RUFY3: variants seen among roughly 807,000 people sequenced by gnomAD.
RUFY3 encodes the protein RUN and FYVE domain containing 3, also known as protein RUFY3.
Under a neutral mutation model 84.0 loss-of-function variants are expected in RUFY3, and 34 were observed. That is an observed-to-expected ratio of 0.40 (90% CI 0.31 to 0.54). The LOEUF is 0.54. Ranked by LOEUF, RUFY3 falls within the 20% of genes least tolerant of loss-of-function variation. The pLI, the probability that RUFY3 is intolerant of heterozygous loss-of-function variation, is 0.39. For missense variants in RUFY3, 507 were observed against 736.8 expected (o/e 0.69, Z 3.61); for synonymous variants, 242 against 252.9 (o/e 0.96, Z 0.41).
rs573492656 is a variant in RUFY3, at chr4:70,724,770, TGTGA to T, written c.178+2022_178+2025del. On this transcript the variant is annotated intron_variant, in intron 1 of 17. Transcript: ENST00000381006. Reference sequence around the variant, plus strand: ...AAGAAAGCATAGTCCCATGAAAGCCTGTGAGTATTACTGCCTTGCTCCATTACCA... The same window carrying T: ...AAGAAAGCATAGTCCCATGAAAGCCTGTATTACTGCCTTGCTCCATTACCA... Among the ~76,000 whole-genome samples the T allele has an allele frequency of 4.6e-5, 7 of 152,364 alleles. No homozygotes were observed. In the East Asian group the frequency reaches 9.6e-4, roughly 21 times the overall value.
rs1234670871 is a variant in RUFY3, at chr4:70,800,148, A to G, written c.1565A>G (p.Lys522Arg). The change falls in exon 15 of 18, where the codon AAG becomes AGG. Residue 522 changes from lysine (K) to arginine (R), a missense_variant. By Grantham distance (26) the Lys-to-Arg change is conservative. This residue lies in a region of RUFY3 where 334 missense variants were observed against 364.1 expected (regional missense o/e 0.92). Coordinates refer to ENST00000381006, the MANE Select transcript of RUFY3 (RefSeq NM_001037442.4). ...GCTGTTTTCTTTTGGCAGGATGGGAAGCACAAAATGCAAGAGGAAAATGTT... is the reference window on the plus strand; with the variant it reads ...GCTGTTTTCTTTTGGCAGGATGGGAGGCACAAAATGCAAGAGGAAAATGTT... ...SQKSESKMDG[K>R]HKMQEENVKL... 6 of 1,606,126 alleles carry G rather than the reference A, an allele frequency of 3.7e-6. No individual in the cohort carries two copies. Among genetic ancestry groups the G allele is most frequent in the Non-Finnish European group, 5.1e-6 (6 of 1,178,106 alleles).
intron 15 of RUFY3, among the ~76,000 whole-genome samples, chr4:70,802,632 C>T (rs1039309227): frequency 6.6e-5 from 10 of 152,088 alleles, no homozygotes; most frequent in African/African-American, 1.9e-4. Flanking sequence ...GCCAGTGAAC[C>T]ATTGGAGTTT....
upstream of RUFY3, among the ~76,000 whole-genome samples, chr4:70,718,784 C>T (rs572664645): frequency 6.6e-6 from 1 of 151,658 alleles, no homozygotes; most frequent in Non-Finnish European, 1.5e-5. Flanking sequence ...GTGGTGCAAT[C>T]TCACCTCACT....
At chr4:70,722,838 A>G (rs1025143335) in intron 1 of RUFY3, 87 bp downstream of exon 1, 4 of 1,298,678 alleles carry the variant, frequency 3.1e-6, no homozygotes, top group Non-Finnish European at 1.1e-6. Flanking sequence ...AGGTAGAAAG[A>G]ACCTACACTC....
At chr4:70,737,604 C>T (rs1228621482) in intron 1 of RUFY3, among the ~76,000 whole-genome samples, 3 of 151,956 alleles carry the variant, frequency 2.0e-5, no homozygotes, top group Non-Finnish European at 4.4e-5. Flanking sequence ...CCCTCCTTAG[C>T]GTTCTAGTGT....
intron 8 of RUFY3, among the ~76,000 whole-genome samples, chr4:70,781,332 T>C (rs759233690): frequency 6.6e-6 from 1 of 151,986 alleles, no homozygotes; most frequent in Non-Finnish European, 1.5e-5. Flanking sequence ...CCAAAAAAAT[T>C]AGCCGGCTGT....
rs572974324 is a variant in RUFY3 at position 70,793,346 on chromosome 4, T to C, written c.1338-439T>C. 198 of 1,014,984 alleles carry C rather than the reference T, an allele frequency of 2.0e-4. 1 individual carries two copies. The highest frequency in any genetic ancestry group is 2.7e-4 in the South Asian group (7 of 25,564). 62.9% of individuals were successfully genotyped at this position (1,014,984 alleles called of 1,614,324 possible). A position where few individuals can be genotyped will look rare whatever the true frequency, so the allele number is the denominator to read the frequency against. The stretch of plus-strand genomic sequence containing the variant: ...AACTATAATTCCACATATAAGAAGG[T>C]AGTTGCCCATTTACAAGTTCCAGTT... On this transcript the variant is annotated intron_variant, in intron 12 of 17. Transcript: ENST00000381006.
chr4:70,705,962 G>A (rs1740292505), intron 1 of RUFY3, among the ~76,000 whole-genome samples: 1 of 152,180 alleles, frequency 6.6e-6, no homozygotes, highest in Non-Finnish European at 1.5e-5. Flanking sequence ...TACCTCCCAG[G>A]GTTATATCGG....
At chr4:70,800,710 C>T (rs1473877200) in intron 15 of RUFY3, among the ~76,000 whole-genome samples, 3 of 152,084 alleles carry the variant, frequency 2.0e-5, no homozygotes, top group Non-Finnish European at 2.9e-5. Context: ...TGGTGAAACC[C>T]GGTCTCTACT....
At chr4:70,785,819 G>A (rs899388663) in intron 10 of RUFY3, among the ~76,000 whole-genome samples, 3 of 152,122 alleles carry the variant, frequency 2.0e-5, no homozygotes, top group African/African-American at 7.2e-5. Flanking sequence ...CTAGGCAACA[G>A]AGCCAGACTC....
chr4:70,775,527 A>T (rs549383962), intron 7 of RUFY3, among the ~76,000 whole-genome samples: 1 of 152,216 alleles, frequency 6.6e-6, no homozygotes, highest in Non-Finnish European at 1.5e-5. Context: ...AAATACATTC[A>T]GTTAAGAATT....
chr4:70,712,602 AT>A (rs1333680677), intron 1 of RUFY3, among the ~76,000 whole-genome samples: 1 of 152,164 alleles, frequency 6.6e-6, no homozygotes, highest in Non-Finnish European at 1.5e-5. Context: ...AAGAGGTAGG[AT>A]TTTATCAAGA....
chr4:70,759,637 C>T (rs116804609), intron 1 of RUFY3, among the ~76,000 whole-genome samples: 2 of 152,262 alleles, frequency 1.3e-5, no homozygotes, highest in South Asian at 2.1e-4. Context: ...GACATTCCCA[C>T]CAACAGTGTA....
At chr4:70,707,828 G>A (rs759549095) in intron 1 of RUFY3, among the ~76,000 whole-genome samples, 1 of 152,084 alleles carries the variant, frequency 6.6e-6, no homozygotes, top group African/African-American at 2.4e-5. Flanking sequence ...GCTTTAGAAC[G>A]TAAGCATACT....
At chr4:70,798,304 G>A (rs571765645) in intron 14 of RUFY3, among the ~76,000 whole-genome samples, 3 of 152,170 alleles carry the variant, frequency 2.0e-5, no homozygotes, top group Non-Finnish European at 4.4e-5. Context: ...AGGAGGTTGA[G>A]GCTGCAGTGA....
chr4:70,704,643 C>T (rs1740037178), upstream of RUFY3, among the ~76,000 whole-genome samples: 1 of 151,368 alleles, frequency 6.6e-6, no homozygotes, highest in African/African-American at 2.4e-5. Context: ...ACGCTGCCCC[C>T]TAGGGGAGCC....
intron 7 of RUFY3, among the ~76,000 whole-genome samples, chr4:70,776,302 T>G (rs1269850504): frequency 1.3e-5 from 2 of 152,226 alleles, no homozygotes; most frequent in African/African-American, 4.8e-5. Flanking sequence ...GTAATGTGAA[T>G]GTAGTGTCTC....
chr4:70,744,998 A>G (rs1247377603), intron 1 of RUFY3, among the ~76,000 whole-genome samples: 1 of 150,210 alleles, frequency 6.7e-6, no homozygotes, highest in Non-Finnish European at 1.5e-5. Flanking sequence ...TGTGTTGCCC[A>G]GGCTGGAGTG....
intron 1 of RUFY3, among the ~76,000 whole-genome samples, chr4:70,715,637 A>G (rs2148569376): frequency 6.6e-6 from 1 of 151,926 alleles, no homozygotes; most frequent in South Asian, 2.1e-4. Context: ...GCTAACAGCA[A>G]CTAGTGAAAT....
Sources: gnomAD v4.1 joint callset for allele counts (sites outside exome capture counted in the v4.1 genomes callset) on GRCh38, gnomAD v4.1.1 for gene constraint, gnomAD v4.1.1 regional missense constraint, MANE v1.5 for transcripts, NCBI Gene and HGNC (gene_info 2026-07-23, HGNC 2026-07-21) for gene names.